Variants in MACROD2 observed in about 807,000 individuals in gnomAD.
The protein encoded by MACROD2 is mono-ADP ribosylhydrolase 2.
Under a neutral mutation model 70.4 loss-of-function variants are expected in MACROD2, and 36 were observed. The ratio of observed to expected loss-of-function variants is 0.51; its 90% CI spans 0.39 to 0.68. MACROD2 has a LOEUF of 0.68. Among genes scored for constraint, MACROD2 ranks in the 30% least tolerant of loss-of-function variants. MACROD2 has a pLI of 0.00. For missense variants in MACROD2, 496 were observed against 538.4 expected, an observed-to-expected ratio of 0.92 and a Z score of 0.78; for synonymous variants, 172 against 178.8, an observed-to-expected ratio of 0.96 and a Z score of 0.30.
chr20:15,509,339 G>A (rs2047469378), intron 8 of MACROD2, among the ~76,000 whole-genome samples: 1 of 152,128 alleles, frequency 6.6e-6, no homozygotes. Flanking sequence ...CACATTAACA[G>A]AAGCCAGTGC....
chr20:15,607,553 A>T (rs1266397647), intron 8 of MACROD2, among the ~76,000 whole-genome samples: 1 of 152,170 alleles, frequency 6.6e-6, no homozygotes, highest in Non-Finnish European at 1.5e-5. Flanking sequence ...TTATTTTTTG[A>T]GACGAAGTCT....
chr20:14,332,052 A>C (rs575659988), intron 3 of MACROD2, among the ~76,000 whole-genome samples: 1 of 152,322 alleles, frequency 6.6e-6, no homozygotes, highest in East Asian at 1.9e-4. Flanking sequence ...GGAATGTTTA[A>C]AAACATTTTT....
chr20:14,629,268 A>G (rs1984370744), intron 4 of MACROD2, among the ~76,000 whole-genome samples: 1 of 152,350 alleles, frequency 6.6e-6, no homozygotes, highest in East Asian at 1.9e-4. Context: ...TAAGAAATGC[A>G]TTTAATTCTT....
chr20:14,275,466 A>T (rs1171305498), intron 3 of MACROD2, among the ~76,000 whole-genome samples: 5 of 151,886 alleles, frequency 3.3e-5, no homozygotes, highest in Non-Finnish European at 5.9e-5. Context: ...CTTACACCTT[A>T]TACAAAAATT....
chr20:15,691,009 G>C (rs979940652), intron 8 of MACROD2, among the ~76,000 whole-genome samples: 4 of 152,118 alleles, frequency 2.6e-5, no homozygotes, highest in Non-Finnish European at 5.9e-5. Context: ...GAGAATGCAG[G>C]CCCCAAAAGA....
chr20:15,516,707 C>T (rs181588972), intron 8 of MACROD2, among the ~76,000 whole-genome samples: 9 of 152,256 alleles, frequency 5.9e-5, no homozygotes, highest in Admixed American at 6.5e-5. Flanking sequence ...ACCTGATCCT[C>T]GGTCCACAGA....
intron 4 of MACROD2, among the ~76,000 whole-genome samples, chr20:14,669,152 G>T (rs1246525047): frequency 6.6e-6 from 1 of 152,092 alleles, no homozygotes; most frequent in African/African-American, 2.4e-5. Flanking sequence ...TTGGATTGGG[G>T]CAATAAATGT....
At chr20:16,042,538 A>G (rs1160801598) in intron 16 of MACROD2, among the ~76,000 whole-genome samples, 1 of 152,024 alleles carries the variant, frequency 6.6e-6, no homozygotes, top group East Asian at 1.9e-4. Flanking sequence ...ACAAGATTTA[A>G]AGTTGCTTTT....
chr20:15,370,355 T>C (rs187028441), intron 6 of MACROD2, among the ~76,000 whole-genome samples: 17 of 152,164 alleles, frequency 1.1e-4, no homozygotes, highest in Admixed American at 5.9e-4. Flanking sequence ...CTAGCACTTA[T>C]AAAAAAGAAG....
intron 5 of MACROD2, among the ~76,000 whole-genome samples, chr20:14,721,873 A>AGT (rs2071474048): frequency 6.6e-6 from 1 of 152,190 alleles, no homozygotes. Flanking sequence ...CTAACCATGC[A>AGT]GTGACCTCTC....
chr20:14,278,160 G>A (rs1199684229), intron 3 of MACROD2, among the ~76,000 whole-genome samples: 1 of 152,162 alleles, frequency 6.6e-6, no homozygotes, highest in East Asian at 1.9e-4. Context: ...TTAGCTGCTT[G>A]TTTACTTTTA....
chr20:14,589,751 G>A (rs1444525735), intron 4 of MACROD2, among the ~76,000 whole-genome samples: 1 of 152,102 alleles, frequency 6.6e-6, no homozygotes, highest in Non-Finnish European at 1.5e-5. Context: ...TGAAAATCCA[G>A]GTAAAATCTA....
chr20:15,101,529 T>C (rs1220517565), intron 5 of MACROD2, among the ~76,000 whole-genome samples: 1 of 1,394 alleles, frequency 7.2e-4, no homozygotes, highest in Non-Finnish European at 1.4e-3. Context: ...ACCCAGGTGT[T>C]GGTTCAAAAA....
chr20:15,065,472 A>G (rs433888), intron 5 of MACROD2, among the ~76,000 whole-genome samples: 145,242 of 151,932 alleles, frequency 0.96, 69,484 homozygotes, highest in East Asian at 1. Context: ...TGACTAACAC[A>G]GTGAAACCCC....
At chr20:14,292,476 G>A (rs1170782403) in intron 3 of MACROD2, among the ~76,000 whole-genome samples, 1 of 151,872 alleles carries the variant, frequency 6.6e-6, no homozygotes, top group Non-Finnish European at 1.5e-5. Flanking sequence ...GAAACCCTGG[G>A]TAAAGGGAGT....
chr20:15,379,820 A>G (rs1011324934), intron 6 of MACROD2, among the ~76,000 whole-genome samples: 1 of 152,202 alleles, frequency 6.6e-6, no homozygotes, highest in Non-Finnish European at 1.5e-5. Flanking sequence ...AAGAATGTAC[A>G]TTAGATTATG....
Position 14,131,057 on chromosome 20 carries a change from T to TG in MACROD2, c.271+45332dup, listed in dbSNP as rs2054712536. ...TTCCTGCCTCTGCCTCCTGAATAGCTGGGACTGCAGGAACGTGCCACCACA... is the reference window on the plus strand; with the variant it reads ...TTCCTGCCTCTGCCTCCTGAATAGCTGGGGACTGCAGGAACGTGCCACCACA... On this transcript the variant is annotated intron_variant, in intron 3 of 17. Coordinates refer to ENST00000684519, the MANE Select transcript of MACROD2 (RefSeq NM_001351661.2). 1.3e-5 allele frequency among the ~76,000 whole-genome samples: 2 copies of TG among 151,894 alleles called. 1 individual carries two copies. Among genetic ancestry groups the TG allele is most frequent in the South Asian group, 4.1e-4 (2 of 4,826 alleles).
intron 7 of MACROD2, 21 bp from the exon 8 acceptor site, chr20:15,499,753 T>G: frequency 6.2e-7 from 1 of 1,613,108 alleles, no homozygotes; most frequent in Non-Finnish European, 8.5e-7. Flanking sequence ...GTTCATTTGT[T>G]TTTTCCTGCT....
rs2077355658 is a variant in MACROD2 at position 15,272,592 on chromosome 20, T to C, written c.540+42531T>C. 2.6e-5 allele frequency among the ~76,000 whole-genome samples: 4 copies of C among 152,202 alleles called. No individual in the cohort carries two copies. The South Asian group carries it at 8.3e-4, about 31-fold the overall frequency. On this transcript the variant is annotated intron_variant, in intron 6 of 17. Coordinates refer to ENST00000684519, the MANE Select transcript of MACROD2 (RefSeq NM_001351661.2). ...AATGTGTCTGACACCAAGATTATTG[T>C]TAAGGGCTGTTCTTTCCTTTTTATT...
Sources: gnomAD v4.1 joint callset for allele counts (sites outside exome capture counted in the v4.1 genomes callset) on GRCh38, gnomAD v4.1.1 for gene constraint, MANE v1.5 for transcripts, NCBI Gene and HGNC (gene_info 2026-07-23, HGNC 2026-07-21) for gene names.